Variants in EEIG2 observed in about 807,000 individuals in gnomAD.
EEIG2 encodes the protein family with sequence similarity 102 member B.
At chr1:108,572,058 A>G in the EEIG2 span, among the ~76,000 whole-genome samples, 1 of 152,156 alleles carries the variant, frequency 6.6e-6, no homozygotes, top group Non-Finnish European at 1.5e-5. Context: ...CCAGCACTCA[A>G]CTAAAACTGT....
chr1:108,564,158 A>G, the EEIG2 span, among the ~76,000 whole-genome samples: 2 of 152,166 alleles, frequency 1.3e-5, no homozygotes, highest in East Asian at 1.9e-4. Context: ...TACTGCTCAT[A>G]GGGTAAAATT....
At chr1:108,617,713 G>T in the EEIG2 span, among the ~76,000 whole-genome samples, 3 of 152,194 alleles carry the variant, frequency 2.0e-5, no homozygotes, top group African/African-American at 7.2e-5. Context: ...AGAGGTCGGG[G>T]AGATTGGGAA....
At chr1:108,606,059 G>A in the EEIG2 span, among the ~76,000 whole-genome samples, 2 of 152,160 alleles carry the variant, frequency 1.3e-5, no homozygotes, top group African/African-American at 4.8e-5. Context: ...CTGGTCATTT[G>A]GGGGGCTTGT....
chr1:108,601,041 A>T, the EEIG2 span, among the ~76,000 whole-genome samples: 1 of 151,912 alleles, frequency 6.6e-6, no homozygotes, highest in Non-Finnish European at 1.5e-5. Flanking sequence ...ATAACCCTGA[A>T]ATTAGGTGTT....
the EEIG2 span, among the ~76,000 whole-genome samples, chr1:108,579,758 T>TGAGA: frequency 1.0e-3 from 38 of 36,202 alleles, no homozygotes; most frequent in Non-Finnish European, 2.2e-3. Context: ...TGTGTGTGTG[T>TGAGA]GTGTGTGTGT....
the EEIG2 span, among the ~76,000 whole-genome samples, chr1:108,621,742 A>G: frequency 4.6e-5 from 7 of 152,196 alleles, no homozygotes; most frequent in Non-Finnish European, 7.3e-5. Flanking sequence ...TGAGTCAGCC[A>G]TCAGTGATTA....
chr1:108,600,522 A>G, the EEIG2 span: 4 of 1,600,072 alleles, frequency 2.5e-6, no homozygotes, highest in Non-Finnish European at 3.4e-6. Context: ...TTAACATGTC[A>G]TCAATAATAG....
the EEIG2 span, chr1:108,560,127 GC>G: frequency 5.8e-6 from 1 of 172,952 alleles, no homozygotes; most frequent in South Asian, 1.3e-4. Context: ...GGCGGAGGCG[GC>G]GGCGGCGGCG....
chr1:108,604,548 G>A, the EEIG2 span, among the ~76,000 whole-genome samples: 1 of 152,342 alleles, frequency 6.6e-6, no homozygotes, highest in East Asian at 1.9e-4. Flanking sequence ...GCAAACGAGA[G>A]TGAGGAGTTG....
chr1:108,575,456 G>A, the EEIG2 span, among the ~76,000 whole-genome samples: 2 of 152,178 alleles, frequency 1.3e-5, no homozygotes, highest in African/African-American at 4.8e-5. Flanking sequence ...TAGGTGGAAT[G>A]AAATTCTGTA....
At chr1:108,612,152 T>C in the EEIG2 span, 1 of 1,493,924 alleles carries the variant, frequency 6.7e-7, no homozygotes, top group South Asian at 1.2e-5. Flanking sequence ...GATAGTCTAT[T>C]AATATAATTC....
the EEIG2 span, among the ~76,000 whole-genome samples, chr1:108,564,492 C>T: frequency 6.6e-6 from 1 of 152,124 alleles, no homozygotes; most frequent in Admixed American, 6.5e-5. Context: ...AAGTTGTATG[C>T]TTAGCATGCT....
chr1:108,596,422 C>T, the EEIG2 span, among the ~76,000 whole-genome samples: 2 of 152,092 alleles, frequency 1.3e-5, no homozygotes, highest in African/African-American at 4.8e-5. Flanking sequence ...GCATCAGCTT[C>T]CCTCCCTTCC....
chr1:108,625,828 G>A, the EEIG2 span: 10 of 132,244 alleles, frequency 7.6e-5, no homozygotes, highest in African/African-American at 1.6e-4. Flanking sequence ...GTGTGTGTGT[G>A]GAGAGAGAGA....
At chr1:108,627,733 A>T in the EEIG2 span, 1 of 164,086 alleles carries the variant, frequency 6.1e-6, no homozygotes, top group South Asian at 1.7e-4. Context: ...GTTGTGATGG[A>T]TTTTTAAGGA....
the EEIG2 span, among the ~76,000 whole-genome samples, chr1:108,599,511 A>G: frequency 1.3e-5 from 2 of 152,192 alleles, no homozygotes; most frequent in African/African-American, 2.4e-5. Flanking sequence ...CAATACCTAC[A>G]TACGACAGCA....
chr1:108,632,949 T>TTTC, the EEIG2 span, among the ~76,000 whole-genome samples: 2 of 148,646 alleles, frequency 1.3e-5, no homozygotes, highest in Non-Finnish European at 3.0e-5. Flanking sequence ...GCCCAGCATT[T>TTTC]TTTTTTTTTT....
At chr1:108,579,772 T>TGTGTGTGTGAGA in the EEIG2 span, among the ~76,000 whole-genome samples, 38 of 58,868 alleles carry the variant, frequency 6.5e-4, 1 homozygote, top group African/African-American at 2.3e-3. Flanking sequence ...TGTGTGTGTG[T>TGTGTGTGTGAGA]GAGAGAGAGA....
At chr1:108,566,930 C>T in the EEIG2 span, among the ~76,000 whole-genome samples, 1 of 152,018 alleles carries the variant, frequency 6.6e-6, no homozygotes, top group Admixed American at 6.6e-5. Flanking sequence ...ATCTGTTGTA[C>T]AGAATGCTGA....
Sources: gnomAD v4.1 joint callset for allele counts (sites outside exome capture counted in the v4.1 genomes callset) on GRCh38, gnomAD v4.1.1 for gene constraint, MANE v1.5 for transcripts, NCBI Gene and HGNC (gene_info 2026-07-23, HGNC 2026-07-21) for gene names.